Variants in ARHGAP9 observed in about 807,000 individuals in gnomAD.
The protein encoded by ARHGAP9 is rho GTPase-activating protein 9.
Under a neutral mutation model 87.3 loss-of-function variants are expected in ARHGAP9, and 76 were observed. That is an observed-to-expected ratio of 0.87 (90% CI 0.72 to 1.05). The LOEUF (loss-of-function observed/expected upper bound fraction) is 1.05. ARHGAP9 is among the 50% of genes least tolerant of loss of function. The pLI is 0.00. For missense variants in ARHGAP9, 941 were observed against 960.5 expected (o/e 0.98, Z 0.27); for synonymous variants, 382 against 394.9 (o/e 0.97, Z 0.39).
chr12:57,476,722 G>T, intron 6 of ARHGAP9, 71 bp from the exon 7 acceptor site: 1 of 1,600,418 alleles, frequency 6.2e-7, no homozygotes. Context: ...TTCCCTAGGG[G>T]GTCTCCCAGG....
chr12:57,475,932 C>A lies in ARHGAP9; in HGVS notation c.1213-1G>T. 6.2e-7 allele frequency: 1 copy of A among 1,611,918 alleles called. No homozygotes were observed. The highest frequency in any genetic ancestry group is 8.5e-7 in the Non-Finnish European group (1 of 1,178,950). On this transcript the variant is annotated splice_acceptor_variant, in intron 9 of 17. Transcript: ENST00000393791. LOFTEE classifies it high-confidence loss of function. ...ACTCGTGGCCAGGGATCGTGCGGAT[C>A]TGAGGGCCAGGCAAGGAAACGCTCG...
intron 9 of ARHGAP9, 53 bp downstream of exon 9, chr12:57,476,018 G>T (rs1166676195): frequency 9.3e-6 from 14 of 1,508,848 alleles, no homozygotes; most frequent in Non-Finnish European, 1.2e-5. Context: ...GCGGGAGATT[G>T]GGGGCGCCCT....
Position 57,486,274 on chromosome 12 carries a change from A to ATT in ARHGAP9, c.-203-2313_-203-2312dup, listed in dbSNP as rs560380333. On this transcript the variant is annotated intron_variant, in intron 1 of 20. Transcript: ENST00000393797. ...AAACTCTTAGCCATCTTGAATCTCA[A>ATT]TTTTTTTTTTTTTGAGACGAAGTCT... is the stretch of plus-strand genomic sequence containing the variant. Among the ~76,000 whole-genome samples, 3 of 146,028 alleles carry ATT rather than the reference A, an allele frequency of 2.1e-5. No individual in the cohort carries two copies. The East Asian group carries it at 6.0e-4, about 29-fold the overall frequency.
chr12:57,487,908 C>G (rs1406451088), intron 1 of ARHGAP9: 1 of 546,006 alleles, frequency 1.8e-6, no homozygotes, highest in East Asian at 3.3e-5. Context: ...GCCTCTTCAT[C>G]TCGATGATAG....
chr12:57,482,803 G>A (rs1277097440), upstream of ARHGAP9, among the ~76,000 whole-genome samples: 1 of 151,954 alleles, frequency 6.6e-6, no homozygotes, highest in African/African-American at 2.4e-5. Context: ...AATTAAGATG[G>A]TAAATATGGG....
chr12:57,472,583 G>C lies in ARHGAP9; in HGVS notation c.2130C>G (p.Ala710=). 1 of 1,614,214 alleles carries C rather than the reference G, an allele frequency of 6.2e-7. No individual in the cohort carries two copies. The highest frequency in any genetic ancestry group is 1.1e-5 in the South Asian group (1 of 91,078). ...RPEQETSDPA[A]HALYPGQLVQ... is the part of the protein sequence containing the mutation. ...CCAGCTGCCCTGGGTAGAGAGCATG[G>C]GCTGCTGGGTCAGATGTCTCCTGCT... Residue 710 remains alanine (A), a synonymous_variant, in exon 18 of 18, where the codon GCC becomes GCG. Transcript: ENST00000393791.
rs369886345 is a variant in ARHGAP9, at chr12:57,478,677, G to C, written c.397C>G (p.Pro133Ala). The change falls in exon 3 of 18, where the codon CCT (proline) becomes GCT (alanine). Residue 133 changes from proline (P) to alanine (A), a missense_variant. Physicochemically the swap from Pro to Ala is conservative, Grantham distance 27. Transcript: ENST00000393791. ...SRAQASSEQPPPLPRKMCRSV... is the reference protein window; with the variant it reads ...SRAQASSEQPAPLPRKMCRSV... ...CTACACATTTTGCGGGGAAGTGGAG[G>C]AGGCTGCTCCGAGCTAGCCTGAGCC... 2.5e-6 allele frequency: 4 copies of C among 1,614,176 alleles called. No individual in the cohort carries two copies. The highest frequency in any genetic ancestry group is 3.4e-6 in the Non-Finnish European group (4 of 1,180,030).
chr12:57,475,917 A>AG lies in ARHGAP9; in HGVS notation c.1226dup (p.Gly410TrpfsTer140). 1 of 1,613,472 alleles carries AG rather than the reference A, an allele frequency of 6.2e-7. No homozygotes were observed. The highest frequency in any genetic ancestry group is 8.5e-7 in the Non-Finnish European group (1 of 1,179,740). Reference sequence around the variant, plus strand: ...CCGACTGCAGCAGGAACTCGTGGCCAGGGATCGTGCGGATCTGAGGGCCAG... The same window carrying AG: ...CCGACTGCAGCAGGAACTCGTGGCCAGGGGATCGTGCGGATCTGAGGGCCAG... On this transcript the variant is annotated frameshift_variant, in exon 10 of 18. Transcript: ENST00000393791. LOFTEE classifies it high-confidence loss of function.
At chr12:57,486,104 A>T (rs1875371949) in intron 1 of ARHGAP9, among the ~76,000 whole-genome samples, 1 of 152,206 alleles carries the variant, frequency 6.6e-6, no homozygotes, top group South Asian at 2.1e-4. Flanking sequence ...ATTTTCTGAG[A>T]TCAAATATAA....
intron 15 of ARHGAP9, 71 bp downstream of exon 15, chr12:57,474,352 G>A: frequency 6.3e-7 from 1 of 1,595,634 alleles, no homozygotes; most frequent in Non-Finnish European, 8.6e-7. Context: ...AATAGTACAT[G>A]GGGGTTTCCA....
chr12:57,479,550 G>A (rs1343848015), intron 1 of ARHGAP9, 126 bp from the exon 2 acceptor site: 1 of 1,502,406 alleles, frequency 6.7e-7, no homozygotes, highest in East Asian at 2.5e-5. Flanking sequence ...TTGGGGGAGA[G>A]GGTAGAGCAA....
In ARHGAP9 at chr12:57,477,096, C is replaced by G; in HGVS notation, c.870+60G>C. 1.9e-6 allele frequency: 3 copies of G among 1,581,550 alleles called. 1 individual carries two copies. Among genetic ancestry groups the G allele is most frequent in the Middle Eastern group, 1.7e-4 (1 of 6,000 alleles). ...GGAATGGAGAATGTCTTACACAAAA[C>G]AGAAAGTCATAACAAGCTGGCTTTT... On this transcript the variant is annotated intron_variant, in intron 5 of 17. Transcript: ENST00000393791.
chr12:57,477,708 G>A, intron 3 of ARHGAP9, 28 bp from the exon 4 acceptor site: 1 of 1,605,574 alleles, frequency 6.2e-7, no homozygotes. Flanking sequence ...AGAAGGAGGT[G>A]GTCATTCTGC....
At chr12:57,485,035 T>C (rs948375056) in intron 1 of ARHGAP9, among the ~76,000 whole-genome samples, 5 of 151,422 alleles carry the variant, frequency 3.3e-5, no homozygotes, top group Non-Finnish European at 7.4e-5. Context: ...AACCTCTGCC[T>C]CCCGGGTTCA....
chr12:57,478,480 C>T (rs1165032838), intron 3 of ARHGAP9, 60 bp downstream of exon 3: 2 of 1,547,430 alleles, frequency 1.3e-6, no homozygotes, highest in Admixed American at 3.4e-5. Flanking sequence ...CCCCTGAAGA[C>T]AGAGGTGCTG....
chr12:57,472,463 CCT>C lies in ARHGAP9; in HGVS notation c.*52_*53del. Reference sequence around the variant, plus strand: ...GGATATCCTCAAAACAGAACACCAGCCTCTCACCACCAGAGATGACCGGAAAT... The same window carrying C: ...GGATATCCTCAAAACAGAACACCAGCCTCACCACCAGAGATGACCGGAAAT... On this transcript the variant is annotated 3_prime_UTR_variant, in exon 18 of 18. Coordinates refer to ENST00000393791, the MANE Select transcript of ARHGAP9 (RefSeq NM_032496.4). 2 of 1,575,654 alleles carry C rather than the reference CCT, an allele frequency of 1.3e-6. No individual in the cohort carries two copies. Among genetic ancestry groups the C allele is most frequent in the Non-Finnish European group, 1.7e-6 (2 of 1,159,668 alleles).
In ARHGAP9 at chr12:57,479,732, T is replaced by G; in HGVS notation, c.-21A>C. Reference sequence around the variant, plus strand: ...GCCAGTAGTTTTCCTCCAAGTACCTTGTGGGGCCCATCAGAAGATTCAGGA... The same window carrying G: ...GCCAGTAGTTTTCCTCCAAGTACCTGGTGGGGCCCATCAGAAGATTCAGGA... On this transcript the variant is annotated splice_region_variant and 5_prime_UTR_variant, in exon 1 of 18. Coordinates refer to ENST00000393791, the MANE Select transcript of ARHGAP9 (RefSeq NM_032496.4). 6.4e-7 allele frequency: 1 copy of G among 1,550,714 alleles called. No individual in the cohort carries two copies. Among genetic ancestry groups the G allele is most frequent in the Non-Finnish European group, 8.7e-7 (1 of 1,146,986 alleles).
At chr12:57,482,242 A>G (rs1481220006), upstream of ARHGAP9, among the ~76,000 whole-genome samples, 1 of 151,682 alleles carries the variant, frequency 6.6e-6, no homozygotes, top group East Asian at 1.9e-4. Context: ...TCTACAAAAA[A>G]AATTTTTTTT....
chr12:57,479,691 AGAG>A, intron 1 of ARHGAP9, 36 bp downstream of exon 1: 1 of 1,550,926 alleles, frequency 6.4e-7, no homozygotes, highest in South Asian at 1.2e-5. Flanking sequence ...GCAGGAAATT[AGAG>A]GAGATGACCT....
Sources: gnomAD v4.1 joint callset for allele counts (sites outside exome capture counted in the v4.1 genomes callset) on GRCh38, gnomAD v4.1.1 for gene constraint, MANE v1.5 for transcripts, NCBI Gene and HGNC (gene_info 2026-07-23, HGNC 2026-07-21) for gene names.